The following RNF6 variants were observed in gnomAD, a reference collection of about 807,000 sequenced individuals.
RNF6 encodes the protein ring finger protein 6.
Under a neutral mutation model 50.1 loss-of-function variants are expected in RNF6, and 21 were observed. The observed-to-expected ratio is 0.42, with a 90% CI of 0.30 to 0.60. The LOEUF (loss-of-function observed/expected upper bound fraction) is 0.60. Among genes scored for constraint, RNF6 ranks in the 20% least tolerant of loss-of-function variants. The pLI is 0.20. For synonymous variants in RNF6, 255 were observed against 291.8 expected (o/e 0.87, Z 1.29); for missense variants, 698 against 838.2 (o/e 0.83, Z 2.07).
At chr13:26,168,376 T>C (rs1314337654) in intron 5 of RNF6, among the ~76,000 whole-genome samples, 1 of 152,164 alleles carries the variant, frequency 6.6e-6, no homozygotes, top group Non-Finnish European at 1.5e-5. Flanking sequence ...CTGTTCTTGA[T>C]AGTGCACATG....
chr13:26,144,149 A>G (rs571468620), intron 5 of RNF6, among the ~76,000 whole-genome samples: 1 of 151,764 alleles, frequency 6.6e-6, no homozygotes, highest in East Asian at 1.9e-4. Flanking sequence ...CCAATGTTCC[A>G]CTCTCCATGT....
At chr13:26,150,190 A>C (rs17511627) in intron 5 of RNF6, among the ~76,000 whole-genome samples, 28,096 of 151,692 alleles carry the variant, frequency 0.19, 2,711 homozygotes, top group Middle Eastern at 0.26. Flanking sequence ...TTAAACGCAC[A>C]ATGAGCAATT....
intron 5 of RNF6, among the ~76,000 whole-genome samples, chr13:26,187,117 C>T (rs1478761370): frequency 7.2e-6 from 1 of 139,130 alleles, no homozygotes; most frequent in African/African-American, 2.6e-5. Context: ...GGCCTGAGGT[C>T]CGGGACTGGG....
At chr13:26,217,680 A>C (rs565393947) in intron 4 of RNF6, among the ~76,000 whole-genome samples, 1 of 152,388 alleles carries the variant, frequency 6.6e-6, no homozygotes, top group East Asian at 1.9e-4. Flanking sequence ...AGAAGCCACT[A>C]GCCAAATGTG....
intron 5 of RNF6, among the ~76,000 whole-genome samples, chr13:26,137,889 T>C (rs770886535): frequency 2.6e-5 from 4 of 151,678 alleles, no homozygotes; most frequent in Non-Finnish European, 5.9e-5. Context: ...ATAAGCATAA[T>C]GAAAATCCTA....
At chr13:26,211,737 AAC>A (rs1260034045), downstream of RNF6, among the ~76,000 whole-genome samples, 55 of 152,192 alleles carry the variant, frequency 3.6e-4, no homozygotes, top group African/African-American at 4.8e-5. Flanking sequence ...AAGCCTGGGC[AAC>A]AGAGTGAGAC....
intron 5 of RNF6, among the ~76,000 whole-genome samples, chr13:26,173,964 A>AAC (rs386378550): frequency 5.3e-5 from 8 of 151,916 alleles, no homozygotes; most frequent in African/African-American, 1.9e-4. Context: ...AAAAAAAAAA[A>AAC]AGCAAAGAAA....
intron 5 of RNF6, among the ~76,000 whole-genome samples, chr13:26,147,630 A>G (rs1315814571): frequency 6.6e-6 from 1 of 152,152 alleles, no homozygotes; most frequent in Non-Finnish European, 1.5e-5. Flanking sequence ...CCTCATCCCA[A>G]CTTTTAGGAT....
intron 5 of RNF6, among the ~76,000 whole-genome samples, chr13:26,145,902 C>A (rs1871214381): frequency 6.6e-6 from 1 of 152,178 alleles, no homozygotes. Context: ...ATTTTTCCAG[C>A]TGCTTGTGTA....
At chr13:26,163,293 C>CAG (rs369196339) in intron 5 of RNF6, among the ~76,000 whole-genome samples, 306 of 150,058 alleles carry the variant, frequency 2.0e-3, no homozygotes, top group African/African-American at 7.2e-3. Context: ...GCCTGGGAGA[C>CAG]AGAGAGAGAC....
Position 26,214,741 on chromosome 13 carries a change from C to T in RNF6, c.1141G>A (p.Gly381Arg), listed in dbSNP as rs765109230. The change falls in exon 5 of 5, where the codon GGA becomes AGA. Residue 381 changes from glycine to arginine, a missense_variant. Gly to Arg is a moderately radical substitution (Grantham distance 125). Transcript: ENST00000381588. ...GTTGAGGATCTGCTGGATTCTTCTCCTTCTTCTACTGTTATTCTTGACACA... is the reference window on the plus strand; with the variant it reads ...GTTGAGGATCTGCTGGATTCTTCTCTTTCTTCTACTGTTATTCTTGACACA... ...RLVSRITVEE[G>R]EESSRSSTAV... 20 of 1,614,048 alleles carry T rather than the reference C, an allele frequency of 1.2e-5. No homozygotes were observed. Among genetic ancestry groups the T allele is most frequent in the Non-Finnish European group, 1.7e-5 (20 of 1,180,048 alleles).
intron 5 of RNF6, among the ~76,000 whole-genome samples, chr13:26,198,139 T>C (rs1008654145): frequency 6.0e-5 from 9 of 151,170 alleles, no homozygotes; most frequent in African/African-American, 1.7e-4. Context: ...TATATATATA[T>C]ATATACACAC....
chr13:26,133,780 A>G (rs748445614), intron 5 of RNF6, among the ~76,000 whole-genome samples: 5 of 152,168 alleles, frequency 3.3e-5, no homozygotes, highest in Admixed American at 6.5e-5. Flanking sequence ...TGAAGAAATC[A>G]TATGATGGAT....
Position 26,146,868 on chromosome 13 carries a change from C to G in RNF6, n.769-14417G>C, listed in dbSNP as rs147202820. Reference sequence around the variant, plus strand: ...GGAGGAGAGGCTTGATGGTAGGTGACTGAATCATGGGGGCAGACATCCCCC... The same window carrying G: ...GGAGGAGAGGCTTGATGGTAGGTGAGTGAATCATGGGGGCAGACATCCCCC... On this transcript the variant is annotated intron_variant and non_coding_transcript_variant, in intron 5 of 5. Transcript: ENST00000468480. 4.1e-3 allele frequency among the ~76,000 whole-genome samples: 627 copies of G among 152,282 alleles called. 5 individuals carry two copies. The highest frequency in any genetic ancestry group is 0.015 in the African/African-American group (603 of 41,546).
chr13:26,181,848 C>T (rs778478522), intron 5 of RNF6, among the ~76,000 whole-genome samples: 1 of 152,162 alleles, frequency 6.6e-6, no homozygotes, highest in East Asian at 1.9e-4. Flanking sequence ...GATAAATTGC[C>T]GTTTTTGCAG....
At chr13:26,172,322 C>G (rs988743291) in intron 5 of RNF6, among the ~76,000 whole-genome samples, 7 of 152,166 alleles carry the variant, frequency 4.6e-5, no homozygotes, top group African/African-American at 1.7e-4. Flanking sequence ...AAAAATACAT[C>G]CCAGATACGC....
At chr13:26,140,408 C>T (rs1182361162) in intron 5 of RNF6, among the ~76,000 whole-genome samples, 1 of 152,160 alleles carries the variant, frequency 6.6e-6, no homozygotes, top group Non-Finnish European at 1.5e-5. Flanking sequence ...GAGTGATCAT[C>T]TCATTAGACA....
chr13:26,134,771 A>G (rs1215728291), intron 5 of RNF6, among the ~76,000 whole-genome samples: 2 of 152,220 alleles, frequency 1.3e-5, no homozygotes, highest in African/African-American at 2.4e-5. Context: ...AAACTCTGTA[A>G]TTGCACTTTA....
intron 4 of RNF6, among the ~76,000 whole-genome samples, chr13:26,217,891 A>G (rs1031024172): frequency 6.6e-6 from 1 of 152,222 alleles, no homozygotes; most frequent in Admixed American, 6.5e-5. Context: ...AGAAACTTCT[A>G]GCTTATTGAG....
Sources: allele counts gnomAD v4.1 joint callset (sites outside exome capture counted in the v4.1 genomes callset), GRCh38; gene constraint gnomAD v4.1.1; transcripts MANE v1.5; gene names NCBI Gene and HGNC (gene_info 2026-07-23, HGNC 2026-07-21).